Variants in STK39 observed in about 807,000 individuals in gnomAD.
STK39 encodes the protein serine/threonine kinase 39.
STK39 carries 20 observed loss-of-function variants against 77.8 expected under a neutral mutation model. The observed-to-expected ratio is 0.26, with a 90% CI of 0.18 to 0.37. STK39 has a LOEUF of 0.37. Ranked by LOEUF, STK39 falls within the 10% of genes least tolerant of loss-of-function variation. STK39 has a pLI of 1.00. For missense variants in STK39, 479 were observed against 656.5 expected, an observed-to-expected ratio of 0.73 and a Z score of 2.95; for synonymous variants, 246 against 234.1, an observed-to-expected ratio of 1.05 and a Z score of -0.47.
At chr2:168,018,538 A>AAAAGAAAAGAAAGAAAGAAAG (rs1684480669) in intron 14 of STK39, among the ~76,000 whole-genome samples, 1 of 85,430 alleles carries the variant, frequency 1.2e-5, no homozygotes, top group Non-Finnish European at 2.2e-5. Context: ...GAAAAGAAAG[A>AAAAGAAAAGAAAGAAAGAAAG]AAAGAAAGAA....
intron 14 of STK39, among the ~76,000 whole-genome samples, chr2:168,030,616 G>A (rs1166185949): frequency 1.3e-5 from 2 of 152,198 alleles, no homozygotes; most frequent in African/African-American, 4.8e-5. Context: ...GGGTAGAAAT[G>A]TAAGCAGAAT....
rs147545347 is a variant in STK39, at chr2:168,186,259, A to G, written c.209-4169T>C. Among the ~76,000 whole-genome samples the G allele has an allele frequency of 3.0e-3, 457 of 152,338 alleles. 2 individuals are homozygous for G. Among genetic ancestry groups the G allele is most frequent in the African/African-American group, 0.011 (438 of 41,584 alleles). On this transcript the variant is annotated intron_variant, in intron 1 of 17. Transcript: ENST00000355999. The stretch of plus-strand genomic sequence containing the variant: ...GAGCCCACCAGAAACTGAAGTGGTC[A>G]GCACATTGATCTGGACTTCCTAGAC...
chr2:168,027,882 A>G (rs919934142), intron 14 of STK39, among the ~76,000 whole-genome samples: 2 of 152,224 alleles, frequency 1.3e-5, no homozygotes, highest in Admixed American at 6.5e-5. Context: ...CAGTGCACAC[A>G]TGTCAGCCTT....
chr2:168,205,532 C>G (rs1689719420), intron 1 of STK39, among the ~76,000 whole-genome samples: 1 of 152,078 alleles, frequency 6.6e-6, no homozygotes, highest in African/African-American at 2.4e-5. Flanking sequence ...TGGGCTGGCA[C>G]AGTGGCTCAT....
chr2:168,062,406 A>G (rs954463072), intron 14 of STK39, among the ~76,000 whole-genome samples: 4 of 152,258 alleles, frequency 2.6e-5, no homozygotes, highest in Admixed American at 2.6e-4. Context: ...ACTGTGAATA[A>G]TAATCAAGGC....
intron 1 of STK39, among the ~76,000 whole-genome samples, chr2:168,205,248 A>C (rs1430849700): frequency 6.6e-6 from 1 of 152,244 alleles, no homozygotes. Flanking sequence ...ATAATATATT[A>C]AATTAAAACC....
chr2:168,036,441 T>A (rs1232786156), intron 14 of STK39, among the ~76,000 whole-genome samples: 2 of 151,642 alleles, frequency 1.3e-5, no homozygotes, highest in Non-Finnish European at 2.9e-5. Context: ...TAAACCTAAT[T>A]TATCTTCATT....
rs1440842849 is a variant in STK39 at position 168,247,246 on chromosome 2, C to T, written c.190G>A (p.Glu64Lys). The change falls in exon 1 of 18, where the codon GAG becomes AAG. Residue 64 changes from glutamate to lysine, a missense_variant. Glu to Lys is a moderately conservative substitution (Grantham distance 56, BLOSUM62 1). Transcript: ENST00000355999. ...CACTGACCGATAACCTCCTGCAGCT[C>T]GTACGCGTCCCTGCAGATGGGCCAG... is the stretch of plus-strand genomic sequence containing the variant. The part of the protein sequence containing the change: ...VGWPICRDAY[E>K]LQEVIGSGAT... 2 of 1,153,772 alleles carry T rather than the reference C, an allele frequency of 1.7e-6. No individual in the cohort carries two copies. Among genetic ancestry groups the T allele is most frequent in the Non-Finnish European group, 2.1e-6 (2 of 938,034 alleles). 71.5% of individuals were successfully genotyped at this position (1,153,772 alleles called of 1,614,324 possible).
chr2:167,964,445 T>C lies in STK39; in HGVS notation c.1563+217A>G, dbSNP rs530747698. On this transcript the variant is annotated intron_variant, in intron 17 of 17. Transcript: ENST00000355999. ...CCGCTCTTAGTCAAAGGTGTGACGA[T>C]AAGAAAAAGCTATGCTCATAGAAGA... 1.0e-4 allele frequency: 49 copies of C among 489,886 alleles called. 2 individuals are homozygous for C. In the South Asian group the frequency reaches 1.2e-3, roughly 12 times the overall value. 30.3% of individuals were successfully genotyped at this position (489,886 alleles called of 1,614,324 possible).
chr2:168,215,387 T>A (rs1690001337), intron 1 of STK39, among the ~76,000 whole-genome samples: 1 of 152,224 alleles, frequency 6.6e-6, no homozygotes, highest in Non-Finnish European at 1.5e-5. Context: ...GTAAGCCCCG[T>A]GACCACCTGG....
At chr2:168,070,265 A>C (rs115694527) in intron 12 of STK39, among the ~76,000 whole-genome samples, 3,018 of 152,224 alleles carry the variant, frequency 0.02, 104 homozygotes, top group African/African-American at 0.069. Context: ...CACAGTTCCA[A>C]GTGGAAATCA....
chr2:168,056,976 G>C (rs1574427277), intron 14 of STK39, among the ~76,000 whole-genome samples: 1 of 152,138 alleles, frequency 6.6e-6, no homozygotes, highest in African/African-American at 2.4e-5. Context: ...GTGGGTTTTT[G>C]ATACTCAAAG....
chr2:168,207,205 A>G (rs1689764189), intron 1 of STK39, among the ~76,000 whole-genome samples: 1 of 152,236 alleles, frequency 6.6e-6, no homozygotes, highest in Non-Finnish European at 1.5e-5. Context: ...ACTGTCTTTT[A>G]TAACATTTGC....
At chr2:167,964,481 A>T in intron 17 of STK39, 181 bp downstream of exon 17, 2 of 585,312 alleles carry the variant, frequency 3.4e-6, no homozygotes, top group Non-Finnish European at 5.9e-6. Context: ...GGACACTTCC[A>T]GTCACAATCA....
At chr2:168,101,656 T>G (rs1470562987) in intron 10 of STK39, among the ~76,000 whole-genome samples, 1 of 152,062 alleles carries the variant, frequency 6.6e-6, no homozygotes, top group African/African-American at 2.4e-5. Flanking sequence ...ATTAATTGCT[T>G]GAACCTGGGA....
In STK39 at chr2:168,188,331, C is replaced by T. The variant is rs186810383; in HGVS notation, c.209-6241G>A. On this transcript the variant is annotated intron_variant, in intron 1 of 17. Transcript: ENST00000355999. Reference sequence around the variant, plus strand: ...GCCACTCTGCTTCAGCCAACTGTCACCATCTGAGATCGCTGACCTGGCATA... The same window carrying T: ...GCCACTCTGCTTCAGCCAACTGTCATCATCTGAGATCGCTGACCTGGCATA... Among the ~76,000 whole-genome samples the T allele has an allele frequency of 4.1e-4, 63 of 152,314 alleles. No homozygotes were observed. In the East Asian group the frequency reaches 8.7e-3, roughly 21 times the overall value.
At chr2:168,050,638 C>G (rs1039070043) in intron 14 of STK39, among the ~76,000 whole-genome samples, 1 of 152,130 alleles carries the variant, frequency 6.6e-6, no homozygotes, top group Non-Finnish European at 1.5e-5. Context: ...TGCAGGCTAC[C>G]TCTACAAGCT....
chr2:168,082,936 T>C (rs767226243), intron 10 of STK39, among the ~76,000 whole-genome samples: 5 of 152,168 alleles, frequency 3.3e-5, no homozygotes, highest in Non-Finnish European at 5.9e-5. Flanking sequence ...ACTGCCATCA[T>C]GTTCACCAGG....
chr2:168,227,819 G>A (rs13429761), intron 1 of STK39, among the ~76,000 whole-genome samples: 57,761 of 151,560 alleles, frequency 0.38, 11,909 homozygotes, highest in Non-Finnish European at 0.48. Flanking sequence ...CACCACTCTC[G>A]GCTAATTTTT....
Sources: allele counts gnomAD v4.1 joint callset (sites outside exome capture counted in the v4.1 genomes callset), GRCh38; gene constraint gnomAD v4.1.1; transcripts MANE v1.5; gene names NCBI Gene and HGNC (gene_info 2026-07-23, HGNC 2026-07-21).